Variants in GAREM1 observed in about 807,000 individuals in gnomAD.
The protein encoded by GAREM1 is GRB2-associated and regulator of MAPK protein 1.
Under a neutral mutation model 71.3 loss-of-function variants are expected in GAREM1, and 26 were observed. The observed-to-expected ratio is 0.36, with a 90% CI of 0.27 to 0.51. GAREM1 has a LOEUF of 0.51. Ranked by LOEUF, GAREM1 falls within the 20% of genes least tolerant of loss-of-function variation. GAREM1 has a pLI of 0.95. For missense variants in GAREM1, 1,026 were observed against 1,103.1 expected, an observed-to-expected ratio of 0.93 and a Z score of 0.99; for synonymous variants, 440 against 433.2, an observed-to-expected ratio of 1.02 and a Z score of -0.20.
intron 2 of GAREM1, among the ~76,000 whole-genome samples, chr18:32,365,216 C>T (rs544117096): frequency 8.3e-4 from 126 of 152,276 alleles, no homozygotes; most frequent in Middle Eastern, 3.4e-3. Context: ...AGAACCTTTA[C>T]ATATGTGGAA....
intron 2 of GAREM1, among the ~76,000 whole-genome samples, chr18:32,338,379 A>C (rs910977111): frequency 2.0e-5 from 3 of 152,152 alleles, no homozygotes; most frequent in African/African-American, 7.2e-5. Flanking sequence ...CAGTGAGAAG[A>C]CCTAGGTTCA....
intron 2 of GAREM1, among the ~76,000 whole-genome samples, chr18:32,378,334 C>T (rs181434528): frequency 1.3e-5 from 2 of 151,800 alleles, no homozygotes; most frequent in African/African-American, 4.8e-5. Context: ...ATCCCATCTC[C>T]ATTAAAAATA....
intron 2 of GAREM1, among the ~76,000 whole-genome samples, chr18:32,336,202 G>A (rs1032794774): frequency 3.3e-5 from 5 of 152,080 alleles, no homozygotes; most frequent in Admixed American, 6.5e-5. Flanking sequence ...AGGCCGAGAC[G>A]GGCGGATCAT....
chr18:32,278,544 T>C (rs2041572652), intron 4 of GAREM1, among the ~76,000 whole-genome samples: 1 of 152,222 alleles, frequency 6.6e-6, no homozygotes, highest in African/African-American at 2.4e-5. Flanking sequence ...TGCAGGACAA[T>C]GTCAGCAACC....
chr18:32,285,240 A>T (rs16962971), intron 4 of GAREM1, among the ~76,000 whole-genome samples: 9,903 of 152,190 alleles, frequency 0.065, 672 homozygotes, highest in African/African-American at 0.17. Flanking sequence ...GCAAGTCCAG[A>T]CCTGTAGCTG....
At chr18:32,404,761 T>G (rs922430437) in intron 1 of GAREM1, among the ~76,000 whole-genome samples, 2 of 152,212 alleles carry the variant, frequency 1.3e-5, no homozygotes, top group African/African-American at 4.8e-5. Context: ...TAGCCTGGTT[T>G]TTTCTCAGCA....
intron 3 of GAREM1, among the ~76,000 whole-genome samples, chr18:32,297,710 G>T (rs1207524518): frequency 6.6e-6 from 1 of 152,092 alleles, no homozygotes; most frequent in Non-Finnish European, 1.5e-5. Flanking sequence ...GTGAACATAT[G>T]GAAATAATTC....
intron 1 of GAREM1, among the ~76,000 whole-genome samples, chr18:32,393,519 T>C (rs1443220105): frequency 1.3e-5 from 2 of 152,204 alleles, no homozygotes; most frequent in Non-Finnish European, 2.9e-5. Flanking sequence ...GATTCAAAGC[T>C]AGGTCAGATA....
chr18:32,412,624 C>G, intron 1 of GAREM1: 1 of 1,406,408 alleles, frequency 7.1e-7, no homozygotes, highest in African/African-American at 1.4e-5. Flanking sequence ...CTAGCCATCT[C>G]TTGCTTTGAC....
intron 3 of GAREM1, among the ~76,000 whole-genome samples, chr18:32,291,254 CT>C (rs754267205): frequency 1.1e-4 from 14 of 128,838 alleles, no homozygotes; most frequent in East Asian, 4.6e-4. Context: ...ATACAGTATA[CT>C]TTTTTTTTGT....
chr18:32,275,870 G>GT (rs1184013324), intron 4 of GAREM1, among the ~76,000 whole-genome samples: 1 of 152,034 alleles, frequency 6.6e-6, no homozygotes, highest in East Asian at 1.9e-4. Context: ...TAGAGATGGG[G>GT]TTTCTCCATG....
intron 3 of GAREM1, among the ~76,000 whole-genome samples, chr18:32,308,206 A>G (rs1290604001): frequency 6.6e-6 from 1 of 150,920 alleles, no homozygotes; most frequent in African/African-American, 2.5e-5. Context: ...TTGAACTCTT[A>G]AATGATATTC....
At chr18:32,345,385 T>G (rs2047685773) in intron 2 of GAREM1, among the ~76,000 whole-genome samples, 1 of 152,154 alleles carries the variant, frequency 6.6e-6, no homozygotes, top group Non-Finnish European at 1.5e-5. Context: ...AAACCCAAAC[T>G]AAAATTTGGC....
chr18:32,317,046 C>T lies in GAREM1; in HGVS notation c.263-6723G>A, dbSNP rs576263993. Among the ~76,000 whole-genome samples the T allele has an allele frequency of 1.1e-3, 166 of 152,262 alleles. 1 individual carries two copies. The highest frequency in any genetic ancestry group is 3.7e-3 in the African/African-American group (155 of 41,550). ...ATTTACGAAAACAGGCCACAGTGTG[C>T]TGACTTCTGTCCTGCTGGAAGGAGT... On this transcript the variant is annotated intron_variant, in intron 2 of 5. Transcript: ENST00000269209.
chr18:32,375,125 T>C (rs2048020384), intron 2 of GAREM1, among the ~76,000 whole-genome samples: 1 of 152,232 alleles, frequency 6.6e-6, no homozygotes, highest in Non-Finnish European at 1.5e-5. Context: ...ACGAAATTTC[T>C]ATGGTCTGAG....
intron 2 of GAREM1, among the ~76,000 whole-genome samples, chr18:32,365,961 TC>T (rs1412578094): frequency 3.3e-5 from 5 of 152,208 alleles, no homozygotes; most frequent in Non-Finnish European, 5.9e-5. Flanking sequence ...TGTTTAAAGT[TC>T]TTAGTAAATC....
intron 2 of GAREM1, among the ~76,000 whole-genome samples, chr18:32,377,389 T>A (rs150889506): frequency 2.4e-3 from 366 of 152,190 alleles, no homozygotes; most frequent in African/African-American, 7.9e-3. Flanking sequence ...GCCTGTGTCA[T>A]CCAAGGTCTA....
intron 1 of GAREM1, among the ~76,000 whole-genome samples, chr18:32,442,745 G>C (rs1353265001): frequency 5.3e-5 from 8 of 152,146 alleles, no homozygotes. Context: ...GTGCAGATAA[G>C]AGGCTGATGG....
At chr18:32,285,422 C>T (rs150176103) in intron 4 of GAREM1, among the ~76,000 whole-genome samples, 23 of 152,314 alleles carry the variant, frequency 1.5e-4, no homozygotes, top group East Asian at 1.9e-4. Flanking sequence ...CCACCACTGC[C>T]CTTCCTGCAC....
Sources: allele counts gnomAD v4.1 joint callset (sites outside exome capture counted in the v4.1 genomes callset), GRCh38; gene constraint gnomAD v4.1.1; transcripts MANE v1.5; gene names NCBI Gene and HGNC (gene_info 2026-07-23, HGNC 2026-07-21).